The following PTGR2 variants were observed in gnomAD, a reference collection of about 807,000 sequenced individuals.
The protein encoded by PTGR2 is 15-oxoprostaglandin 13-reductase.
PTGR2 carries 32 observed loss-of-function variants against 43.4 expected under a neutral mutation model. That is an observed-to-expected ratio of 0.74 (90% CI 0.56 to 0.99). The LOEUF is 0.99. Among genes scored for constraint, PTGR2 ranks in the 50% least tolerant of loss-of-function variants. The pLI is 0.00. For synonymous variants in PTGR2, 106 were observed against 139.2 expected, an observed-to-expected ratio of 0.76 and a Z score of 1.68; for missense variants, 373 against 420.0, an observed-to-expected ratio of 0.89 and a Z score of 0.98.
intron 9 of PTGR2, among the ~76,000 whole-genome samples, 185 bp downstream of exon 9, chr14:73,882,623 C>T (rs1369999112): frequency 1.3e-5 from 2 of 151,710 alleles, no homozygotes; most frequent in Non-Finnish European, 2.9e-5. Flanking sequence ...GCCTCAGCCT[C>T]CCAAGTAGCT....
At chr14:73,852,343 C>T (rs565683831) in intron 1 of PTGR2, among the ~76,000 whole-genome samples, 20 of 152,244 alleles carry the variant, frequency 1.3e-4, no homozygotes, top group African/African-American at 4.8e-4. Flanking sequence ...CTCACTGCAG[C>T]CTCCATCTCT....
chr14:73,881,772 CTTTTTTTTTTT>C (rs57377878), intron 8 of PTGR2, among the ~76,000 whole-genome samples: 5 of 69,264 alleles, frequency 7.2e-5, no homozygotes, highest in Admixed American at 5.6e-4. Flanking sequence ...CTAGGCTATT[CTTTTTTTTTTT>C]TTTTTTTTTT....
intron 8 of PTGR2, 80 bp from the exon 9 acceptor site, chr14:73,882,319 T>C: frequency 3.4e-6 from 3 of 882,162 alleles, no homozygotes; most frequent in East Asian, 2.5e-5. Flanking sequence ...ATAGTATTGC[T>C]GGCTTTTGTA....
Position 73,860,596 on chromosome 14 carries a change from A to T in PTGR2, c.95A>T (p.Asp32Val). The T allele has an allele frequency of 6.3e-7, 1 of 1,584,612 alleles. No individual in the cohort carries two copies. Among genetic ancestry groups the T allele is most frequent in the African/African-American group, 1.4e-5 (1 of 73,970 alleles). Residue 32 changes from aspartate to valine, a missense_variant, in exon 3 of 10, where the codon GAT becomes GTT. By Grantham distance (152) the Asp-to-Val change is radical (BLOSUM62 -3). Transcript: ENST00000555661. ...CGAATGGAAGAAGTCTATTTACCAG[A>T]TAATATTAATGAAGGACAAGTACAA... ...NFRMEEVYLPDNINEGQVQVR... is the reference protein window; with the variant it reads ...NFRMEEVYLPVNINEGQVQVR...
chr14:73,883,784 C>T (rs990586253), intron 9 of PTGR2, among the ~76,000 whole-genome samples: 2 of 152,184 alleles, frequency 1.3e-5, no homozygotes, highest in African/African-American at 4.8e-5. Context: ...CCATGCCCGG[C>T]CTTCACTCAC....
At chr14:73,854,258 A>G (rs748263194) in intron 1 of PTGR2, among the ~76,000 whole-genome samples, 44 of 151,968 alleles carry the variant, frequency 2.9e-4, no homozygotes, top group Non-Finnish European at 5.2e-4. Context: ...ACCCGCCACC[A>G]CGCCTGGTTA....
chr14:73,882,800 CTTTTTTTTTTTTTTTTTTTTTT>C (rs35651032), intron 9 of PTGR2, among the ~76,000 whole-genome samples: 224 of 41,864 alleles, frequency 5.4e-3, no homozygotes, highest in African/African-American at 0.019. Context: ...ACGCCTGGCC[CTTTTTTTTTTTTTTTTTTTTTT>C]TTTTTTTTTT....
At position 73,876,978 on chromosome 14, in the gene PTGR2, G is replaced by A; in HGVS notation, c.349-20G>A. ...AACAGGAATTCCTAGTATTTTTAAA[G>A]GGTATATATTTTATTTTAGGTAGAC... is the stretch of plus-strand genomic sequence containing the variant. On this transcript the variant is annotated intron_variant, in intron 4 of 9. Coordinates refer to ENST00000555661, the MANE Select transcript of PTGR2 (RefSeq NM_001146154.2). 1 of 1,585,632 alleles carries A rather than the reference G, an allele frequency of 6.3e-7. No homozygotes were observed. The highest frequency in any genetic ancestry group is 8.6e-7 in the Non-Finnish European group (1 of 1,161,158).
In PTGR2 at chr14:73,885,524, A is replaced by G. The variant is rs952313791; in HGVS notation, c.*1347A>G. 2 of 152,184 alleles carry G rather than the reference A, an allele frequency of 1.3e-5. No individual in the cohort carries two copies. Among genetic ancestry groups the G allele is most frequent in the Admixed American group, 6.6e-5 (1 of 15,264 alleles). 9.4% of individuals were successfully genotyped at this position (152,184 alleles called of 1,614,324 possible). ...TATACTTTTGTATGCAACATTTGTA[A>G]TAAGTAGATTCAAACTGTGTTGGTA... On this transcript the variant is annotated 3_prime_UTR_variant, in exon 10 of 10. Transcript: ENST00000555661.
intron 7 of PTGR2, 93 bp from the exon 8 acceptor site, chr14:73,881,112 G>A: frequency 1.3e-6 from 1 of 763,354 alleles, no homozygotes; most frequent in Non-Finnish European, 2.3e-6. Flanking sequence ...ATATTTTAAG[G>A]ATTAACAGAT....
rs2054879961 is a variant in PTGR2 at position 73,876,973 on chromosome 14, T to G, written c.349-25T>G. 3 of 1,574,766 alleles carry G rather than the reference T, an allele frequency of 1.9e-6. No homozygotes were observed. In the South Asian group the frequency reaches 3.4e-5, roughly 18 times the overall value. ...CTCAAAACAGGAATTCCTAGTATTT[T>G]TAAAGGGTATATATTTTATTTTAGG... On this transcript the variant is annotated intron_variant, in intron 4 of 9. Transcript: ENST00000555661.
rs3076728 is a variant in PTGR2 at position 73,877,613 on chromosome 14, G to GTTTT, written c.519+454_519+457dup. On this transcript the variant is annotated intron_variant, in intron 5 of 9. Coordinates refer to ENST00000555661, the MANE Select transcript of PTGR2 (RefSeq NM_001146154.2). The stretch of plus-strand genomic sequence containing the variant: ...CTTTCACACGTTTCTTGTAGAAATG[G>GTTTT]TTTTTTTTTTTTACCTACTTAGACT... The GTTTT allele has an allele frequency of 2.6e-4, 38 of 147,208 alleles. No homozygotes were observed. The South Asian group carries it at 3.2e-3, about 12-fold the overall frequency. The allele number at this position is 147,208 out of a possible 1,614,324, so 9.1% of individuals were successfully genotyped here.
At chr14:73,855,885 G>A (rs936594603) in intron 1 of PTGR2, among the ~76,000 whole-genome samples, 2 of 150,930 alleles carry the variant, frequency 1.3e-5, no homozygotes, top group African/African-American at 2.4e-5. Flanking sequence ...GTGAAACCCC[G>A]TCTCTACTAA....
chr14:73,877,767 A>C (rs2054897727), intron 5 of PTGR2: 1 of 152,230 alleles, frequency 6.6e-6, no homozygotes, highest in African/African-American at 2.4e-5. Context: ...AGCTGTTTGG[A>C]ATTGCATGAA....
intron 3 of PTGR2, among the ~76,000 whole-genome samples, chr14:73,865,064 A>G (rs985968049): frequency 6.6e-6 from 1 of 152,130 alleles, no homozygotes; most frequent in Non-Finnish European, 1.5e-5. Context: ...GCACCCACAG[A>G]CATGCACACA....
At chr14:73,881,570 G>T (rs1178249773) in intron 8 of PTGR2, among the ~76,000 whole-genome samples, 1 of 136,662 alleles carries the variant, frequency 7.3e-6, no homozygotes, top group Non-Finnish European at 1.6e-5. Context: ...GTAAAATTAT[G>T]TTTATTAATT....
chr14:73,876,979 G>T lies in PTGR2; in HGVS notation c.349-19G>T, dbSNP rs758463557. Reference sequence around the variant, plus strand: ...ACAGGAATTCCTAGTATTTTTAAAGGGTATATATTTTATTTTAGGTAGACC... The same window carrying T: ...ACAGGAATTCCTAGTATTTTTAAAGTGTATATATTTTATTTTAGGTAGACC... On this transcript the variant is annotated intron_variant, in intron 4 of 9. Coordinates refer to ENST00000555661, the MANE Select transcript of PTGR2 (RefSeq NM_001146154.2). 3.8e-6 allele frequency: 6 copies of T among 1,590,980 alleles called. No individual in the cohort carries two copies. In the East Asian group the frequency reaches 6.7e-5, roughly 18 times the overall value.
chr14:73,863,879 G>A (rs1322127762), intron 3 of PTGR2, among the ~76,000 whole-genome samples: 1 of 152,132 alleles, frequency 6.6e-6, no homozygotes, highest in East Asian at 1.9e-4. Flanking sequence ...GCCTCTCAAA[G>A]TGCTAGGATT....
At chr14:73,865,753 A>G (rs11624168) in intron 3 of PTGR2, among the ~76,000 whole-genome samples, 72,808 of 151,304 alleles carry the variant, frequency 0.48, 17,862 homozygotes, top group South Asian at 0.61. Flanking sequence ...TTTTTTTAAG[A>G]GAGACCAGAA....
Sources: allele counts gnomAD v4.1 joint callset (sites outside exome capture counted in the v4.1 genomes callset), GRCh38; gene constraint gnomAD v4.1.1; transcripts MANE v1.5; gene names NCBI Gene and HGNC (gene_info 2026-07-23, HGNC 2026-07-21).